Variants in LRMDA observed in about 807,000 individuals in gnomAD.
LRMDA encodes leucine rich melanocyte differentiation associated, also known as leucine-rich melanocyte differentiation-associated protein.
A neutral mutation model predicts 29.8 loss-of-function variants in LRMDA; 18 were observed. That is an observed-to-expected ratio of 0.60 (90% CI 0.42 to 0.90). The LOEUF is 0.90. Ranked by LOEUF, LRMDA falls within the 40% of genes least tolerant of loss-of-function variation. The pLI, the probability that LRMDA is intolerant of heterozygous loss-of-function variation, is 0.00. For missense variants in LRMDA, 273 were observed against 273.9 expected, an observed-to-expected ratio of 1.00 and a Z score of 0.02; for synonymous variants, 125 against 109.4, an observed-to-expected ratio of 1.14 and a Z score of -0.89.
chr10:76,442,445 G>A (rs201395432), intron 6 of LRMDA, among the ~76,000 whole-genome samples: 9 of 152,160 alleles, frequency 5.9e-5, no homozygotes, highest in African/African-American at 1.9e-4. Flanking sequence ...TAATCCTAGC[G>A]CTTTGGGAGG....
chr10:75,943,598 A>C (rs1394053938), intron 2 of LRMDA, among the ~76,000 whole-genome samples: 2 of 152,186 alleles, frequency 1.3e-5, no homozygotes, highest in East Asian at 3.8e-4. Flanking sequence ...ATCTCCTGTG[A>C]TATGTTAGCT....
chr10:75,819,111 A>G (rs1279602173), intron 2 of LRMDA, among the ~76,000 whole-genome samples: 1 of 152,220 alleles, frequency 6.6e-6, no homozygotes, highest in African/African-American at 2.4e-5. Context: ...AAATGTCTTG[A>G]TGGCTTTTTA....
chr10:75,455,795 T>G (rs1048935377), intron 2 of LRMDA, among the ~76,000 whole-genome samples: 4 of 152,166 alleles, frequency 2.6e-5, no homozygotes, highest in African/African-American at 9.7e-5. Flanking sequence ...AAAAGAAACT[T>G]CATGAAGAAA....
intron 6 of LRMDA, among the ~76,000 whole-genome samples, chr10:76,479,853 A>G (rs76840482): frequency 1.3e-5 from 2 of 151,810 alleles, no homozygotes; most frequent in Admixed American, 6.6e-5. Flanking sequence ...CTTCTCATCC[A>G]TTAACTGAGC....
chr10:76,524,822 G>C (rs1199382926), intron 6 of LRMDA, among the ~76,000 whole-genome samples: 1 of 152,196 alleles, frequency 6.6e-6, no homozygotes, highest in Admixed American at 6.5e-5. Flanking sequence ...AGACACAGGA[G>C]AGCAATGGCT....
At chr10:75,481,232 T>G (rs1844853121) in intron 2 of LRMDA, among the ~76,000 whole-genome samples, 1 of 151,826 alleles carries the variant, frequency 6.6e-6, no homozygotes, top group South Asian at 2.1e-4. Context: ...CAGTTTAGCG[T>G]GAGAAGAGAT....
At chr10:76,413,080 C>T (rs1261040238) in intron 6 of LRMDA, among the ~76,000 whole-genome samples, 9 of 152,144 alleles carry the variant, frequency 5.9e-5, no homozygotes, top group Non-Finnish European at 1.0e-4. Context: ...GCCACTCTCT[C>T]GATGCTTCTC....
chr10:75,784,135 A>G (rs932981934), intron 2 of LRMDA, among the ~76,000 whole-genome samples: 1 of 152,186 alleles, frequency 6.6e-6, no homozygotes, highest in Non-Finnish European at 1.5e-5. Flanking sequence ...CCAATGCAAT[A>G]TAGTGTTGGG....
At chr10:76,264,627 AG>A (rs1839984728) in intron 5 of LRMDA, among the ~76,000 whole-genome samples, 1 of 152,010 alleles carries the variant, frequency 6.6e-6, no homozygotes, top group African/African-American at 2.4e-5. Context: ...ATCCCATAGG[AG>A]AGGTGCAGAT....
chr10:76,518,836 A>G (rs1843090598), intron 6 of LRMDA, among the ~76,000 whole-genome samples: 3 of 152,328 alleles, frequency 2.0e-5, no homozygotes, highest in African/African-American at 7.2e-5. Context: ...TAATGGACAT[A>G]TGTAGAACTG....
intron 2 of LRMDA, among the ~76,000 whole-genome samples, chr10:75,466,830 T>C (rs1844656808): frequency 1.3e-5 from 2 of 152,126 alleles, no homozygotes; most frequent in South Asian, 4.1e-4. Context: ...AACCCTCCCC[T>C]CTTCCCTAGA....
At chr10:75,762,634 A>G (rs1843112030) in intron 2 of LRMDA, among the ~76,000 whole-genome samples, 1 of 152,238 alleles carries the variant, frequency 6.6e-6, no homozygotes, top group Non-Finnish European at 1.5e-5. Flanking sequence ...TGAGGTAATT[A>G]ACCTCTCTGA....
At chr10:75,949,019 ATGTG>A (rs897402495) in intron 2 of LRMDA, among the ~76,000 whole-genome samples, 1 of 151,642 alleles carries the variant, frequency 6.6e-6, no homozygotes, top group South Asian at 2.1e-4. Context: ...TGTGTGTAAA[ATGTG>A]TGTGTGTGCA....
At chr10:76,533,335 T>G (rs529500523) in intron 6 of LRMDA, among the ~76,000 whole-genome samples, 1 of 152,354 alleles carries the variant, frequency 6.6e-6, no homozygotes, top group African/African-American at 2.4e-5. Flanking sequence ...CTGGATTCAT[T>G]GCACTTTGAT....
At chr10:75,627,981 A>G (rs1006054356) in intron 2 of LRMDA, among the ~76,000 whole-genome samples, 1 of 152,210 alleles carries the variant, frequency 6.6e-6, no homozygotes, top group East Asian at 1.9e-4. Context: ...CTTGGTCAAC[A>G]TATCTCCAGC....
At chr10:76,003,486 T>C (rs1847595425) in intron 2 of LRMDA, among the ~76,000 whole-genome samples, 1 of 152,210 alleles carries the variant, frequency 6.6e-6, no homozygotes, top group South Asian at 2.1e-4. Context: ...GAAAAATTTA[T>C]AATAGACATT....
intron 2 of LRMDA, among the ~76,000 whole-genome samples, chr10:75,715,023 A>G (rs1297976882): frequency 6.6e-6 from 1 of 152,110 alleles, no homozygotes; most frequent in Non-Finnish European, 1.5e-5. Context: ...TGGAGCTTCC[A>G]TGATATTCAC....
rs1191564721 is a variant in LRMDA at position 75,521,953 on chromosome 10, A to C, written c.131+83459A>C. On this transcript the variant is annotated intron_variant, in intron 2 of 6. Coordinates refer to ENST00000611255, the MANE Select transcript of LRMDA (RefSeq NM_001305581.2). ...GAAAGCTTGATCCTGATACATCCTT[A>C]GAATAAATGAGTAGAGAGTCAGTCT... Among the ~76,000 whole-genome samples, 3 of 152,266 alleles carry C rather than the reference A, an allele frequency of 2.0e-5. No homozygotes were observed. The East Asian group carries it at 5.8e-4, about 29-fold the overall frequency.
chr10:75,606,491 C>T (rs915471154), intron 2 of LRMDA, among the ~76,000 whole-genome samples: 1 of 152,176 alleles, frequency 6.6e-6, no homozygotes. Flanking sequence ...AGGGCAGAGT[C>T]CATTCCGGGC....
Sources: gnomAD v4.1 joint callset for allele counts (sites outside exome capture counted in the v4.1 genomes callset) on GRCh38, gnomAD v4.1.1 for gene constraint, MANE v1.5 for transcripts, NCBI Gene and HGNC (gene_info 2026-07-23, HGNC 2026-07-21) for gene names.